GALNT2: variants seen among roughly 807,000 people sequenced by gnomAD.
GALNT2 encodes the protein UDP-GalNAc:polypeptide N-acetylgalactosaminyltransferase 2.
In GALNT2, 31 loss-of-function variants were observed where a neutral mutation model predicts 81.4. That is an observed-to-expected ratio of 0.38 (90% CI 0.29 to 0.51). The LOEUF (loss-of-function observed/expected upper bound fraction) is 0.51, where lower values mean the gene tolerates loss of function less well. GALNT2 is among the 20% of genes least tolerant of loss of function. The probability of loss-of-function intolerance (pLI) is 0.87; values close to 1 mark genes in which losing one functional copy is unlikely to be tolerated. For synonymous variants in GALNT2, 303 were observed against 287.4 expected (o/e 1.05, Z -0.55); for missense variants, 629 against 765.7 (o/e 0.82, Z 2.11).
At chr1:230,176,630 A>G (rs1662987907) in intron 1 of GALNT2, among the ~76,000 whole-genome samples, 1 of 152,244 alleles carries the variant, frequency 6.6e-6, no homozygotes, top group South Asian at 2.1e-4. Context: ...CTTACTTTGT[A>G]AAGCCAGTTG....
At chr1:230,262,871 G>A (rs762530533) in intron 12 of GALNT2, 51 bp from the exon 13 acceptor site, 23 of 1,550,574 alleles carry the variant, frequency 1.5e-5, no homozygotes, top group Non-Finnish European at 2.0e-5. Context: ...GATGTAGAAA[G>A]CCCATCTATT....
At chr1:230,186,267 C>A (rs565008945) in intron 2 of GALNT2, among the ~76,000 whole-genome samples, 5 of 152,222 alleles carry the variant, frequency 3.3e-5, no homozygotes, top group Non-Finnish European at 7.4e-5. Flanking sequence ...CTCCTTTGTG[C>A]CCTCCCCATG....
At chr1:230,180,298 T>TC (rs1663118001) in intron 2 of GALNT2, among the ~76,000 whole-genome samples, 1 of 76,280 alleles carries the variant, frequency 1.3e-5, no homozygotes, top group Non-Finnish European at 3.0e-5. Flanking sequence ...TCTAGGTTCT[T>TC]TTTTTTTTTT....
chr1:230,134,981 C>T (rs1344734372), intron 1 of GALNT2, among the ~76,000 whole-genome samples: 1 of 152,164 alleles, frequency 6.6e-6, no homozygotes, highest in Non-Finnish European at 1.5e-5. Context: ...TGTTGTGAGG[C>T]TTAAATGAGA....
chr1:230,078,281 G>C (rs559673259), intron 1 of GALNT2, among the ~76,000 whole-genome samples: 1 of 152,176 alleles, frequency 6.6e-6, no homozygotes, highest in Non-Finnish European at 1.5e-5. Flanking sequence ...TCGTATTTGG[G>C]GGGGGATCAT....
At chr1:230,166,530 CT>C (rs1662609124) in intron 1 of GALNT2, among the ~76,000 whole-genome samples, 1 of 152,230 alleles carries the variant, frequency 6.6e-6, no homozygotes, top group African/African-American at 2.4e-5. Context: ...GCTGCACAGC[CT>C]TGGCCTTGCC....
At chr1:230,075,740 A>G (rs1463227092) in intron 1 of GALNT2, among the ~76,000 whole-genome samples, 1 of 152,158 alleles carries the variant, frequency 6.6e-6, no homozygotes, top group Non-Finnish European at 1.5e-5. Context: ...GTGTGCAGAA[A>G]GGTGCTGTGT....
At chr1:230,204,703 TAAG>T in intron 3 of GALNT2, among the ~76,000 whole-genome samples, 1 of 152,310 alleles carries the variant, frequency 6.6e-6, no homozygotes, top group Non-Finnish European at 1.5e-5. Context: ...TATTAAAAAA[TAAG>T]GAGCTGCATT....
intron 2 of GALNT2, among the ~76,000 whole-genome samples, chr1:230,186,371 G>A (rs933009199): frequency 1.3e-5 from 2 of 152,144 alleles, no homozygotes; most frequent in Admixed American, 6.5e-5. Context: ...GTGTTAAGTC[G>A]GCCTCCCTGT....
chr1:230,201,286 G>A (rs1266370531), intron 2 of GALNT2, among the ~76,000 whole-genome samples: 1 of 152,084 alleles, frequency 6.6e-6, no homozygotes, highest in Admixed American at 6.6e-5. Context: ...GTGGGTTTTG[G>A]AACTGATTTT....
intron 2 of GALNT2, among the ~76,000 whole-genome samples, chr1:230,182,758 G>A (rs1293853495): frequency 6.6e-6 from 1 of 152,150 alleles, no homozygotes; most frequent in African/African-American, 2.4e-5. Context: ...TTGATTGATG[G>A]TGTTGTTGAG....
At chr1:230,167,961 A>ACC (rs5781575) in intron 1 of GALNT2, among the ~76,000 whole-genome samples, 1,554 of 151,546 alleles carry the variant, frequency 0.01, 28 homozygotes, top group African/African-American at 0.031. Flanking sequence ...TTTCTAAAAT[A>ACC]CCCCCCCCTT....
chr1:230,179,154 T>A (rs1663081035), intron 2 of GALNT2, among the ~76,000 whole-genome samples: 1 of 151,922 alleles, frequency 6.6e-6, no homozygotes, highest in Non-Finnish European at 1.5e-5. Context: ...CATTTCTTAA[T>A]GAATTAACAT....
chr1:230,100,205 A>G (rs1227131208), intron 1 of GALNT2, among the ~76,000 whole-genome samples: 1 of 151,948 alleles, frequency 6.6e-6, no homozygotes, highest in East Asian at 1.9e-4. Flanking sequence ...AATAGAGCTA[A>G]TATTTCTCAA....
intron 1 of GALNT2, among the ~76,000 whole-genome samples, chr1:230,088,240 A>T (rs1426297115): frequency 6.6e-6 from 1 of 152,166 alleles, no homozygotes; most frequent in East Asian, 1.9e-4. Context: ...TATCCATTAA[A>T]CAGTAACTCC....
In GALNT2 at chr1:230,193,240, A is replaced by G. The variant is rs946289481; in HGVS notation, c.221-9897A>G. On this transcript the variant is annotated intron_variant, in intron 2 of 15. Transcript: ENST00000366672. The surrounding 1 kb of genome is among the most constrained non-coding windows in gnomAD (Gnocchi z 4.3). ...TTGCAGTACAGCAGTGAATACCTGT[A>G]TAGAATCCTGAAGCCTCCTGCAGCC... is the stretch of plus-strand genomic sequence containing the variant. 6.6e-6 allele frequency among the ~76,000 whole-genome samples: 1 copy of G among 152,200 alleles called. No individual in the cohort carries two copies. The highest frequency in any genetic ancestry group is 1.5e-5 in the Non-Finnish European group (1 of 68,030).
At chr1:230,263,785 A>T (rs1388391469) in intron 13 of GALNT2, 1 of 152,244 alleles carries the variant, frequency 6.6e-6, no homozygotes, top group Non-Finnish European at 1.5e-5. Flanking sequence ...AGCATTTTAC[A>T]GCGGCTCACA....
At chr1:230,239,023 C>T (rs968134140) in intron 6 of GALNT2, among the ~76,000 whole-genome samples, 3 of 151,922 alleles carry the variant, frequency 2.0e-5, no homozygotes, top group African/African-American at 4.8e-5. Context: ...TGGATATAGG[C>T]GTATTCAGAT....
intron 1 of GALNT2, among the ~76,000 whole-genome samples, chr1:230,099,754 TG>T (rs1660349033): frequency 6.6e-6 from 1 of 152,256 alleles, no homozygotes; most frequent in South Asian, 2.1e-4. Flanking sequence ...GTGGCTCATC[TG>T]TCTCTGCAGA....
Sources: gnomAD v4.1 joint callset for allele counts (sites outside exome capture counted in the v4.1 genomes callset) on GRCh38, gnomAD v4.1.1 for gene constraint, Gnocchi (gnomAD v3.1) non-coding constraint, MANE v1.5 for transcripts, NCBI Gene and HGNC (gene_info 2026-07-23, HGNC 2026-07-21) for gene names.